TRPM6: variants seen among roughly 807,000 people sequenced by gnomAD.
The protein encoded by TRPM6 is transient receptor potential cation channel subfamily M member 6, also known as channel kinase 2.
A neutral mutation model predicts 247.6 loss-of-function variants in TRPM6; 111 were observed. The observed-to-expected ratio is 0.45, with a 90% CI of 0.38 to 0.52. The LOEUF is 0.52. Among genes scored for constraint, TRPM6 ranks in the 20% least tolerant of loss-of-function variants. The pLI, the probability that TRPM6 is intolerant of heterozygous loss-of-function variation, is 0.00. For missense variants in TRPM6, 2,126 were observed against 2,421.5 expected (o/e 0.88, Z 2.56); for synonymous variants, 892 against 853.8 (o/e 1.04, Z -0.78).
At position 74,881,372 on chromosome 9, in the gene TRPM6, T is replaced by C. The variant is rs192547011; in HGVS notation, c.33+6452A>G. On this transcript the variant is annotated intron_variant, in intron 1 of 38. Coordinates refer to ENST00000360774, the MANE Select transcript of TRPM6 (RefSeq NM_017662.5). ...ATATAATTATAATTATATAAGGCAA[T>C]CAATTCAGCAAGAAAGTATAACAAT... is the stretch of plus-strand genomic sequence containing the variant. Among the ~76,000 whole-genome samples the C allele has an allele frequency of 7.9e-3, 1,199 of 151,800 alleles. 7 individuals are homozygous for C. Among genetic ancestry groups the C allele is most frequent in the Non-Finnish European group, 0.013 (907 of 67,966 alleles).
chr9:74,750,622 G>A (rs1271180231), intron 30 of TRPM6, 42 bp downstream of exon 30: 1 of 1,582,740 alleles, frequency 6.3e-7, no homozygotes, highest in Non-Finnish European at 8.7e-7. Flanking sequence ...TAAAAAAATG[G>A]AAGCCAAAGA....
At chr9:74,765,830 T>C (rs182339406) in intron 25 of TRPM6, among the ~76,000 whole-genome samples, 1 of 152,280 alleles carries the variant, frequency 6.6e-6, no homozygotes, top group Non-Finnish European at 1.5e-5. Context: ...AAATTAAAGA[T>C]AAAAAGAGTG....
intron 1 of TRPM6, among the ~76,000 whole-genome samples, chr9:74,875,058 C>T (rs1217854386): frequency 6.6e-6 from 1 of 152,000 alleles, no homozygotes; most frequent in Non-Finnish European, 1.5e-5. Context: ...AGCCACCATG[C>T]CTGGCCTGTA....
intron 3 of TRPM6, among the ~76,000 whole-genome samples, chr9:74,845,481 G>C (rs1830080151): frequency 6.6e-6 from 1 of 152,164 alleles, no homozygotes; most frequent in African/African-American, 2.4e-5. Flanking sequence ...TCTGACATAT[G>C]CTATAACATG....
At chr9:74,883,526 C>T (rs371839134) in intron 1 of TRPM6, among the ~76,000 whole-genome samples, 17 of 152,214 alleles carry the variant, frequency 1.1e-4, no homozygotes, top group South Asian at 6.2e-4. Flanking sequence ...ACATAACACT[C>T]GGTCAGTATT....
At chr9:74,750,901 A>G (rs2089885448) in intron 29 of TRPM6, among the ~76,000 whole-genome samples, 179 bp from the exon 30 acceptor site, 1 of 152,222 alleles carries the variant, frequency 6.6e-6, no homozygotes, top group Non-Finnish European at 1.5e-5. Flanking sequence ...TGTTAGAGCA[A>G]TGTCAGAGTT....
intron 25 of TRPM6, among the ~76,000 whole-genome samples, chr9:74,766,418 T>G (rs1826826081): frequency 6.6e-6 from 1 of 152,222 alleles, no homozygotes; most frequent in Non-Finnish European, 1.5e-5. Context: ...AGAATGGTAA[T>G]TGTTTTATTA....
At chr9:74,833,775 A>C (rs894334116) in intron 6 of TRPM6, among the ~76,000 whole-genome samples, 6 of 152,202 alleles carry the variant, frequency 3.9e-5, no homozygotes, top group Admixed American at 3.9e-4. Context: ...GTGTGAGACA[A>C]AGAGATCATT....
At chr9:74,807,913 T>C in intron 14 of TRPM6, 121 bp downstream of exon 14, 1 of 1,111,458 alleles carries the variant, frequency 9.0e-7, no homozygotes. Flanking sequence ...AGATAACAAA[T>C]GTCCATAAAT....
chr9:74,862,383 C>T (rs975553849), intron 1 of TRPM6, among the ~76,000 whole-genome samples: 1 of 152,130 alleles, frequency 6.6e-6, no homozygotes, highest in African/African-American at 2.4e-5. Context: ...GCTATCATGG[C>T]AGTCTTCATC....
intron 1 of TRPM6, among the ~76,000 whole-genome samples, chr9:74,874,250 A>C (rs1831122254): frequency 1.3e-5 from 2 of 152,058 alleles, no homozygotes; most frequent in African/African-American, 4.8e-5. Flanking sequence ...ACAAAAAAAA[A>C]AAAAAAACAA....
intron 17 of TRPM6, 36 bp from the exon 18 acceptor site, chr9:74,796,929 G>A: frequency 6.4e-7 from 1 of 1,567,150 alleles, no homozygotes; most frequent in South Asian, 1.1e-5. Flanking sequence ...AAGTAGTAGG[G>A]ACTACAAAAG....
At chr9:74,802,299 T>G in intron 15 of TRPM6, 124 bp from the exon 16 acceptor site, 1 of 902,342 alleles carries the variant, frequency 1.1e-6, no homozygotes, top group South Asian at 1.6e-5. Flanking sequence ...ATGGAAATAA[T>G]AATAAGATTT....
intron 1 of TRPM6, among the ~76,000 whole-genome samples, chr9:74,871,003 T>G (rs1831010655): frequency 6.6e-6 from 1 of 151,900 alleles, no homozygotes; most frequent in Admixed American, 6.6e-5. Flanking sequence ...TAAAAAATAA[T>G]AATAATTACA....
chr9:74,742,224 A>G (rs1825889857), intron 33 of TRPM6, among the ~76,000 whole-genome samples: 1 of 152,244 alleles, frequency 6.6e-6, no homozygotes, highest in Admixed American at 6.5e-5. Context: ...ATTGACATTT[A>G]TCGCTTTCTC....
At chr9:74,767,526 C>T (rs543022999) in intron 25 of TRPM6, among the ~76,000 whole-genome samples, 116 of 152,288 alleles carry the variant, frequency 7.6e-4, no homozygotes, top group Non-Finnish European at 1.4e-3. Flanking sequence ...CAAACTATTG[C>T]TCAGTTACCT....
chr9:74,874,881 C>G (rs7870304), intron 1 of TRPM6, among the ~76,000 whole-genome samples: 6,185 of 151,272 alleles, frequency 0.041, 441 homozygotes, highest in African/African-American at 0.14. Context: ...TCAGCCTCCA[C>G]AGTAGCTGGG....
chr9:74,827,265 A>G (rs898848290), intron 7 of TRPM6: 7 of 152,482 alleles, frequency 4.6e-5, no homozygotes, highest in African/African-American at 1.7e-4. Flanking sequence ...AGGATCCACT[A>G]AAGTCTTCAT....
At chr9:74,749,606 C>T (rs965442705) in intron 30 of TRPM6, among the ~76,000 whole-genome samples, 3 of 152,214 alleles carry the variant, frequency 2.0e-5, no homozygotes, top group Non-Finnish European at 4.4e-5. Context: ...AATTAGTTCT[C>T]TTTAAACTGT....
Sources: allele counts gnomAD v4.1 joint callset (sites outside exome capture counted in the v4.1 genomes callset), GRCh38; gene constraint gnomAD v4.1.1; transcripts MANE v1.5; gene names NCBI Gene and HGNC (gene_info 2026-07-23, HGNC 2026-07-21).